Variants in ZMIZ1 observed in about 807,000 individuals in gnomAD.
ZMIZ1 encodes zinc finger MIZ-type containing 1, also known as zinc finger MIZ domain-containing protein 1.
In ZMIZ1, 17 loss-of-function variants were observed where a neutral mutation model predicts 113.9. The ratio of observed to expected loss-of-function variants is 0.15; its 90% CI spans 0.10 to 0.22. ZMIZ1 has a LOEUF of 0.22. ZMIZ1 is among the 10% of genes least tolerant of loss of function. The pLI, the probability that ZMIZ1 is intolerant of heterozygous loss-of-function variation, is 1.00. For missense variants in ZMIZ1, 1,059 were observed against 1,477.8 expected (o/e 0.72, Z 4.65); for synonymous variants, 607 against 603.1 (o/e 1.01, Z -0.09).
Position 79,310,983 on chromosome 10 carries a change from A to G in ZMIZ1, c.2895A>G (p.Val965=), listed in dbSNP as rs763360968. Residue 965 remains valine, a synonymous_variant, in exon 24 of 25, where the codon GTA becomes GTG. Transcript: ENST00000334512. ...CCTCCATACAACAAGGTTTGCACGT[A>G]CCACACCCCAGCAGCCAGTCAGGGC... is the stretch of plus-strand genomic sequence containing the variant. ...PHPSIQQGLH[V]PHPSSQSGPP... 4.3e-6 allele frequency: 7 copies of G among 1,613,686 alleles called. No individual in the cohort carries two copies. The East Asian group carries it at 1.1e-4, about 26-fold the overall frequency.
At chr10:79,176,326 G>A (rs1288446044) in intron 4 of ZMIZ1, among the ~76,000 whole-genome samples, 18 of 152,070 alleles carry the variant, frequency 1.2e-4, no homozygotes, top group Admixed American at 1.1e-3. Context: ...ATGGACCAGC[G>A]CTCTTCTGAG....
Position 79,314,491 on chromosome 10 carries a change from C to T in ZMIZ1, c.*1742C>T, listed in dbSNP as rs11002921. On this transcript the variant is annotated 3_prime_UTR_variant, in exon 25 of 25. Transcript: ENST00000334512. The stretch of plus-strand genomic sequence containing the variant: ...CCCGGCCCCTTTTCTTCCTTTGTCC[C>T]GTTGTCGAGGTTTTTTCAAATAGCG... The T allele has an allele frequency of 0.16, 52,381 of 331,940 alleles. 4,556 individuals carry two copies. The highest frequency in any genetic ancestry group is 0.23 in the South Asian group (9,711 of 41,980). The allele number at this position is 331,940 out of a possible 1,614,324, so 20.6% of individuals were successfully genotyped here. A position where few individuals can be genotyped will look rare whatever the true frequency, so the allele number is the denominator to read the frequency against.
intron 9 of ZMIZ1, 90 bp downstream of exon 9, chr10:79,289,979 C>T (rs1279929132): frequency 6.2e-6 from 8 of 1,294,944 alleles, no homozygotes; most frequent in Admixed American, 2.0e-5. Flanking sequence ...TTCACCCTCA[C>T]AGGCCTTGCC....
At chr10:79,193,640 G>A (rs545269233) in intron 4 of ZMIZ1, among the ~76,000 whole-genome samples, 1 of 152,204 alleles carries the variant, frequency 6.6e-6, no homozygotes, top group Non-Finnish European at 1.5e-5. Context: ...CAAGGAGTCA[G>A]CCCTCATCTA....
intron 9 of ZMIZ1, chr10:79,290,704 T>C (rs751998829): frequency 2.5e-5 from 17 of 676,426 alleles, no homozygotes; most frequent in Non-Finnish European, 4.1e-5. Context: ...TGAACTGGCT[T>C]TGTGGGGCTT....
rs879534694 is a variant in ZMIZ1 at position 79,224,053 on chromosome 10, C to T, written c.280+7779C>T. ...ACAACTTCCAGGCTATTTCTACGGC[C>T]ATTAAAACGAGGTCTCCAAAGAATG... On this transcript the variant is annotated intron_variant, in intron 7 of 24. Coordinates refer to ENST00000334512, the MANE Select transcript of ZMIZ1 (RefSeq NM_020338.4). Among the ~76,000 whole-genome samples, 11 of 152,122 alleles carry T rather than the reference C, an allele frequency of 7.2e-5. 1 individual carries two copies. Among genetic ancestry groups the T allele is most frequent in the Admixed American group, 2.6e-4 (4 of 15,282 alleles).
chr10:79,125,623 A>T (rs1307030413), intron 2 of ZMIZ1, among the ~76,000 whole-genome samples: 1 of 152,226 alleles, frequency 6.6e-6, no homozygotes, highest in African/African-American at 2.4e-5. Flanking sequence ...GGCAGAGGAC[A>T]GCCTTGGCCG....
intron 1 of ZMIZ1, among the ~76,000 whole-genome samples, chr10:79,092,344 G>A (rs1124440): frequency 0.27 from 40,863 of 152,192 alleles, 6,027 homozygotes; most frequent in Non-Finnish European, 0.33. Context: ...TCCAGATTGG[G>A]GGTGACCCTA....
chr10:79,159,533 C>T (rs750975118), intron 3 of ZMIZ1, among the ~76,000 whole-genome samples: 5 of 152,204 alleles, frequency 3.3e-5, no homozygotes, highest in South Asian at 2.1e-4. Context: ...ACTCACATCC[C>T]GGCTGTGTTC....
rs554688289 is a variant in ZMIZ1 at position 79,096,239 on chromosome 10, G to A, written c.-336-22676G>A. ...GAAATGAGATGTCTAGGCTGGGCACGGTGGCTCACGCCTGTAATACCAGCA... is the reference window on the plus strand; with the variant it reads ...GAAATGAGATGTCTAGGCTGGGCACAGTGGCTCACGCCTGTAATACCAGCA... On this transcript the variant is annotated intron_variant, in intron 1 of 24. Coordinates refer to ENST00000334512, the MANE Select transcript of ZMIZ1 (RefSeq NM_020338.4). 3.3e-5 allele frequency among the ~76,000 whole-genome samples: 5 copies of A among 152,286 alleles called. No homozygotes were observed. The South Asian group carries it at 1.0e-3, about 32-fold the overall frequency.
chr10:79,311,260 G>A (rs1855139382), intron 24 of ZMIZ1, 76 bp downstream of exon 24: 8 of 1,401,904 alleles, frequency 5.7e-6, no homozygotes, highest in Non-Finnish European at 7.5e-6. Context: ...AGGGGTGGGT[G>A]TGAGGGCTCG....
rs766507816 is a variant in ZMIZ1, at chr10:79,312,816, C to T, written c.*67C>T. 2 of 1,514,784 alleles carry T rather than the reference C, an allele frequency of 1.3e-6. No homozygotes were observed. Among genetic ancestry groups the T allele is most frequent in the Non-Finnish European group, 1.8e-6 (2 of 1,093,844 alleles). 93.8% of individuals were successfully genotyped at this position (1,514,784 alleles called of 1,614,324 possible). A position where few individuals can be genotyped will look rare whatever the true frequency, so the allele number is the denominator to read the frequency against. ...ACCCCACCTACCCAACACACTTTTC[C>T]ACCTGGGAGCCTGTGCCCTCAGACC... is the stretch of plus-strand genomic sequence containing the variant. On this transcript the variant is annotated 3_prime_UTR_variant, in exon 25 of 25. Transcript: ENST00000334512.
chr10:79,213,052 C>A (rs35005341), intron 6 of ZMIZ1, among the ~76,000 whole-genome samples: 1,618 of 152,188 alleles, frequency 0.011, 27 homozygotes, highest in Admixed American at 0.036. Context: ...CCTGCCACCC[C>A]CACCCCGCCA....
At chr10:79,080,340 T>C in intron 1 of ZMIZ1, among the ~76,000 whole-genome samples, 1 of 149,920 alleles carries the variant, frequency 6.7e-6, no homozygotes, top group African/African-American at 2.5e-5. Flanking sequence ...TGAGTCTTGC[T>C]TTGTCACCCA....
At chr10:79,208,273 C>G in intron 5 of ZMIZ1, 63 bp from the exon 6 acceptor site, 1 of 1,468,610 alleles carries the variant, frequency 6.8e-7, no homozygotes, top group East Asian at 2.3e-5. Context: ...CCCAGACCCC[C>G]ACACGCTGCC....
intron 7 of ZMIZ1, among the ~76,000 whole-genome samples, chr10:79,253,385 C>T (rs544589066): frequency 6.6e-6 from 1 of 152,228 alleles, no homozygotes; most frequent in African/African-American, 2.4e-5. Context: ...ATAGGAGGGG[C>T]ACATGGGGAA....
At chr10:79,114,759 C>G (rs565779339) in intron 1 of ZMIZ1, among the ~76,000 whole-genome samples, 2 of 152,244 alleles carry the variant, frequency 1.3e-5, no homozygotes, top group South Asian at 4.2e-4. Flanking sequence ...GGCTGAGAAT[C>G]TCCCCTCCCC....
At chr10:79,089,040 T>A (rs1842911364) in intron 1 of ZMIZ1, among the ~76,000 whole-genome samples, 1 of 152,226 alleles carries the variant, frequency 6.6e-6, no homozygotes, top group Non-Finnish European at 1.5e-5. Context: ...GATTTTTCTT[T>A]TCTGGTCCGT....
chr10:79,123,380 T>A (rs1844379549), intron 2 of ZMIZ1, among the ~76,000 whole-genome samples: 1 of 152,164 alleles, frequency 6.6e-6, no homozygotes, highest in Admixed American at 6.5e-5. Context: ...GGGGAGAATA[T>A]CCCTCTAGTT....
Sources: gnomAD v4.1 joint callset for allele counts (sites outside exome capture counted in the v4.1 genomes callset) on GRCh38, gnomAD v4.1.1 for gene constraint, MANE v1.5 for transcripts, NCBI Gene and HGNC (gene_info 2026-07-23, HGNC 2026-07-21) for gene names.